KCNT2: variants seen among roughly 807,000 people sequenced by gnomAD.
KCNT2 encodes potassium channel subfamily T member 2.
KCNT2 carries 67 observed loss-of-function variants against 153.8 expected under a neutral mutation model. The observed-to-expected ratio is 0.44, with a 90% confidence interval of 0.36 to 0.53. The LOEUF (loss-of-function observed/expected upper bound fraction) is 0.53, where lower values mean the gene tolerates loss of function less well. KCNT2 is among the 20% of genes least tolerant of loss of function. KCNT2 has a pLI of 0.00. For missense variants in KCNT2, 975 were observed against 1,354.8 expected (o/e 0.72, Z 4.40); for synonymous variants, 500 against 458.8 (o/e 1.09, Z -1.15).
intron 22 of KCNT2, among the ~76,000 whole-genome samples, chr1:196,294,435 C>G (rs1341936036): frequency 6.6e-6 from 1 of 151,958 alleles, no homozygotes; most frequent in Non-Finnish European, 1.5e-5. Flanking sequence ...GCCACCATAC[C>G]CAGTTAATTT....
chr1:196,474,358 G>A (rs1044050690), intron 5 of KCNT2, among the ~76,000 whole-genome samples: 3 of 152,024 alleles, frequency 2.0e-5, no homozygotes, highest in African/African-American at 7.2e-5. Context: ...TTTAATAAAA[G>A]GTTTGGTAAT....
intron 13 of KCNT2, among the ~76,000 whole-genome samples, chr1:196,376,779 T>A (rs1003436461): frequency 6.6e-6 from 1 of 151,992 alleles, no homozygotes; most frequent in African/African-American, 2.4e-5. Context: ...TGCAGCACCA[T>A]TCAGCATTAA....
chr1:196,564,319 G>T (rs1186298099), intron 1 of KCNT2, among the ~76,000 whole-genome samples: 1 of 151,782 alleles, frequency 6.6e-6, no homozygotes, highest in African/African-American at 2.4e-5. Context: ...CCTGTATCTT[G>T]CAAATTACAA....
intron 26 of KCNT2, among the ~76,000 whole-genome samples, chr1:196,237,102 A>G (rs968231003): frequency 3.3e-5 from 5 of 151,652 alleles, no homozygotes; most frequent in Non-Finnish European, 5.9e-5. Context: ...TTTCATACCA[A>G]TACCTATAGT....
intron 1 of KCNT2, among the ~76,000 whole-genome samples, chr1:196,520,006 A>G (rs1255913066): frequency 6.6e-6 from 1 of 152,118 alleles, no homozygotes; most frequent in East Asian, 1.9e-4. Flanking sequence ...CAACAGCAAA[A>G]AGAAAACTTC....
intron 25 of KCNT2, among the ~76,000 whole-genome samples, chr1:196,280,044 A>G (rs1315468236): frequency 6.6e-6 from 1 of 152,156 alleles, no homozygotes; most frequent in East Asian, 1.9e-4. Context: ...TTTAATTTGT[A>G]ATAACTTTGA....
chr1:196,485,204 C>A (rs139808180), intron 3 of KCNT2, among the ~76,000 whole-genome samples: 2,137 of 151,972 alleles, frequency 0.014, 44 homozygotes, highest in African/African-American at 0.048. Context: ...GAACAGAAAA[C>A]CAAACACCAC....
chr1:196,247,984 C>T (rs1245431011), intron 26 of KCNT2, among the ~76,000 whole-genome samples: 11 of 152,054 alleles, frequency 7.2e-5, no homozygotes, highest in Non-Finnish European at 4.4e-5. Flanking sequence ...AACTACAAAT[C>T]AACAAGAGAA....
chr1:196,429,501 C>T, intron 9 of KCNT2, 76 bp downstream of exon 9: 4 of 941,788 alleles, frequency 4.2e-6, no homozygotes, highest in Non-Finnish European at 4.6e-6. Flanking sequence ...AGCCACTTTC[C>T]ATTTCTTATT....
chr1:196,580,227 C>T (rs1287917643), intron 1 of KCNT2, among the ~76,000 whole-genome samples: 2 of 152,018 alleles, frequency 1.3e-5, no homozygotes, highest in Non-Finnish European at 2.9e-5. Flanking sequence ...TCCAGAAATA[C>T]TAAATGGAAG....
At chr1:196,579,704 G>A (rs1463966698) in intron 1 of KCNT2, among the ~76,000 whole-genome samples, 3 of 151,904 alleles carry the variant, frequency 2.0e-5, no homozygotes, top group African/African-American at 4.8e-5. Flanking sequence ...TGTTGGCCAG[G>A]CTGGTCTGGA....
At chr1:196,474,933 A>T (rs1261074884) in intron 5 of KCNT2, among the ~76,000 whole-genome samples, 1 of 152,108 alleles carries the variant, frequency 6.6e-6, no homozygotes, top group East Asian at 1.9e-4. Context: ...TATCTGCTAA[A>T]CTCAACATGT....
intron 5 of KCNT2, among the ~76,000 whole-genome samples, chr1:196,470,737 T>C (rs1164981925): frequency 6.6e-6 from 1 of 152,134 alleles, no homozygotes; most frequent in Non-Finnish European, 1.5e-5. Flanking sequence ...GGGCATCAAA[T>C]AAGAGAGGAA....
intron 1 of KCNT2, among the ~76,000 whole-genome samples, chr1:196,534,215 A>G (rs1572747552): frequency 6.6e-6 from 1 of 152,174 alleles, no homozygotes. Flanking sequence ...TTAATGTTGA[A>G]TGCATTTGAA....
chr1:196,500,555 A>T (rs1184987826), intron 1 of KCNT2, among the ~76,000 whole-genome samples: 1 of 152,236 alleles, frequency 6.6e-6, no homozygotes, highest in East Asian at 1.9e-4. Context: ...CTATCCCCAT[A>T]AATAGTGGGA....
chr1:196,548,394 A>C (rs1657403163), intron 1 of KCNT2, among the ~76,000 whole-genome samples: 1 of 152,108 alleles, frequency 6.6e-6, no homozygotes. Context: ...GCAGCCAAAA[A>C]ACACATGAAA....
At chr1:196,502,501 CAT>C (rs1278820164) in intron 1 of KCNT2, among the ~76,000 whole-genome samples, 2 of 152,090 alleles carry the variant, frequency 1.3e-5, no homozygotes, top group African/African-American at 2.4e-5. Context: ...TATACAATGT[CAT>C]GTGGTGTAAT....
chr1:196,345,436 A>G (rs1228687775), intron 14 of KCNT2, among the ~76,000 whole-genome samples: 1 of 152,114 alleles, frequency 6.6e-6, no homozygotes, highest in East Asian at 1.9e-4. Context: ...CAGGGAAGCC[A>G]GTTTAGCTGG....
chr1:196,416,555 A>G (rs1051446971), intron 12 of KCNT2, among the ~76,000 whole-genome samples: 1 of 152,054 alleles, frequency 6.6e-6, no homozygotes, highest in African/African-American at 2.4e-5. Flanking sequence ...TTTCACGGCT[A>G]TATATGCTAC....
Sources: gnomAD v4.1 joint callset for allele counts (sites outside exome capture counted in the v4.1 genomes callset) on GRCh38, gnomAD v4.1.1 for gene constraint, MANE v1.5 for transcripts, NCBI Gene and HGNC (gene_info 2026-07-23, HGNC 2026-07-21) for gene names.